The following EPS8 variants were observed in gnomAD, a reference collection of about 807,000 sequenced individuals.
The protein encoded by EPS8 is EGFR pathway substrate 8, signaling adaptor.
A neutral mutation model predicts 103.8 loss-of-function variants in EPS8; 42 were observed. The observed-to-expected ratio is 0.40, with a 90% CI of 0.32 to 0.52. The LOEUF (loss-of-function observed/expected upper bound fraction) is 0.52, where lower values mean the gene tolerates loss of function less well. EPS8 is among the 20% of genes least tolerant of loss of function. The pLI, the probability that EPS8 is intolerant of heterozygous loss-of-function variation, is 0.40. For synonymous variants in EPS8, 344 were observed against 344.6 expected, an observed-to-expected ratio of 1.00 and a Z score of 0.02; for missense variants, 969 against 1,005.1, an observed-to-expected ratio of 0.96 and a Z score of 0.49.
At position 15,749,629 on chromosome 12, in the gene EPS8, C is replaced by T. The variant is rs1946910512; in HGVS notation, c.-22+39532G>A. ...ATAAATACTTGATGATGACAATAAC[C>T]ATTATGATAGTGGTAGTGGTAGGAA... On this transcript the variant is annotated intron_variant, in intron 1 of 20. Transcript: ENST00000281172. This position sits in a 1 kb window ranked among gnomAD's most constrained non-coding sequence, Gnocchi z 4.0. 6.6e-6 allele frequency among the ~76,000 whole-genome samples: 1 copy of T among 152,112 alleles called. No homozygotes were observed. The highest frequency in any genetic ancestry group is 1.5e-5 in the Non-Finnish European group (1 of 68,026).
At chr12:15,766,322 T>C (rs1463756665) in intron 1 of EPS8, among the ~76,000 whole-genome samples, 1 of 149,482 alleles carries the variant, frequency 6.7e-6, no homozygotes, top group East Asian at 2.0e-4. Flanking sequence ...TACTAAAAAA[T>C]ACAAAAAAAT....
chr12:15,645,156 T>C (rs1945299353), intron 15 of EPS8, among the ~76,000 whole-genome samples: 1 of 152,072 alleles, frequency 6.6e-6, no homozygotes, highest in South Asian at 2.1e-4. Flanking sequence ...GCCTTCTCTG[T>C]GGTGAGGAAA....
At chr12:15,682,850 C>A (rs375196531) in intron 2 of EPS8, 43 bp downstream of exon 2, 6 of 1,053,028 alleles carry the variant, frequency 5.7e-6, no homozygotes, top group African/African-American at 1.6e-5. Flanking sequence ...ATCACCAAAT[C>A]AAATTCCCCC....
At chr12:15,718,033 A>T (rs1448051466) in intron 1 of EPS8, among the ~76,000 whole-genome samples, 1 of 152,098 alleles carries the variant, frequency 6.6e-6, no homozygotes, top group African/African-American at 2.4e-5. Flanking sequence ...CATGTCCTAT[A>T]ACTAAAGATT....
intron 1 of EPS8, among the ~76,000 whole-genome samples, chr12:15,765,050 T>C (rs1373787247): frequency 1.3e-5 from 2 of 152,210 alleles, no homozygotes; most frequent in Non-Finnish European, 2.9e-5. Flanking sequence ...TTAGAAGCCC[T>C]TGAAGTTATG....
In EPS8 at chr12:15,702,178, C is replaced by T. The variant is rs953624510; in HGVS notation, c.-21-19206G>A. On this transcript the variant is annotated intron_variant, in intron 1 of 20. Coordinates refer to ENST00000281172, the MANE Select transcript of EPS8 (RefSeq NM_004447.6). The surrounding 1 kb of genome is among the most constrained non-coding windows in gnomAD (Gnocchi z 5.1). Reference sequence around the variant, plus strand: ...AAGGGCAAAGTGCTTAGAGCAGCAGCCTAAGGAAACAGAATATATTCCCCC... The same window carrying T: ...AAGGGCAAAGTGCTTAGAGCAGCAGTCTAAGGAAACAGAATATATTCCCCC... Among the ~76,000 whole-genome samples the T allele has an allele frequency of 9.7e-4, 148 of 152,260 alleles. No homozygotes were observed. The highest frequency in any genetic ancestry group is 3.2e-3 in the African/African-American group (134 of 41,548).
At chr12:15,729,163 T>C (rs1483219790) in intron 1 of EPS8, among the ~76,000 whole-genome samples, 1 of 152,266 alleles carries the variant, frequency 6.6e-6, no homozygotes, top group East Asian at 1.9e-4. Flanking sequence ...CCCCCCGACC[T>C]GTCAAAATCT....
chr12:15,666,310 T>G, intron 7 of EPS8, 130 bp downstream of exon 7: 3 of 660,544 alleles, frequency 4.5e-6, no homozygotes, highest in Non-Finnish European at 7.5e-6. Flanking sequence ...ACAAATGTGT[T>G]GAGACTACAG....
intron 1 of EPS8, among the ~76,000 whole-genome samples, chr12:15,703,043 G>C (rs1246879606): frequency 1.3e-5 from 2 of 152,280 alleles, no homozygotes; most frequent in Non-Finnish European, 2.9e-5. Context: ...CAGCTACTCG[G>C]GAGGCTGAGC....
rs926955196 is a variant in EPS8 at position 15,701,497 on chromosome 12, C to T, written c.-21-18525G>A. 6.6e-6 allele frequency among the ~76,000 whole-genome samples: 1 copy of T among 152,188 alleles called. No individual in the cohort carries two copies. The highest frequency in any genetic ancestry group is 2.4e-5 in the African/African-American group (1 of 41,438). On this transcript the variant is annotated intron_variant, in intron 1 of 20. Transcript: ENST00000281172. This position sits in a 1 kb window ranked among gnomAD's most constrained non-coding sequence, Gnocchi z 5.1. The stretch of plus-strand genomic sequence containing the variant: ...ACACACTTAAGCATACACACACACA[C>T]AATTACACATATACAGATATGTATT...
At chr12:15,680,801 G>A (rs1351155346) in intron 3 of EPS8, among the ~76,000 whole-genome samples, 1 of 152,074 alleles carries the variant, frequency 6.6e-6, no homozygotes, top group African/African-American at 2.4e-5. Context: ...TCATTTTGCA[G>A]TGCATAAAGA....
intron 18 of EPS8, among the ~76,000 whole-genome samples, chr12:15,629,015 T>C (rs188930430): frequency 5.9e-5 from 9 of 152,338 alleles, no homozygotes; most frequent in East Asian, 1.9e-4. Flanking sequence ...AACTGTATTT[T>C]TGAGATATTT....
chr12:15,638,131 T>C (rs1031092771), intron 17 of EPS8, among the ~76,000 whole-genome samples: 1 of 152,052 alleles, frequency 6.6e-6, no homozygotes, highest in African/African-American at 2.4e-5. Flanking sequence ...GTATCTGGTG[T>C]TGTAGAGATA....
chr12:15,741,708 G>A (rs1314203247), intron 1 of EPS8, among the ~76,000 whole-genome samples: 1 of 152,068 alleles, frequency 6.6e-6, no homozygotes, highest in Non-Finnish European at 1.5e-5. Flanking sequence ...ATCACATCCA[G>A]ATCAGTAACA....
intron 3 of EPS8, among the ~76,000 whole-genome samples, chr12:15,673,721 A>G (rs1201926072): frequency 2.0e-5 from 3 of 152,182 alleles, no homozygotes; most frequent in African/African-American, 7.2e-5. Flanking sequence ...ATATCGTCAA[A>G]TGGTATATTA....
At position 15,713,366 on chromosome 12, in the gene EPS8, T is replaced by C. The variant is rs936645005; in HGVS notation, c.-21-30394A>G. The C allele has an allele frequency of 5.3e-5, 8 of 152,152 alleles. No individual in the cohort carries two copies. The highest frequency in any genetic ancestry group is 1.7e-4 in the African/African-American group (7 of 41,430). The allele number at this position is 152,152 out of a possible 1,614,324, so 9.4% of individuals were successfully genotyped here. A position where few individuals can be genotyped will look rare whatever the true frequency, so the allele number is the denominator to read the frequency against. On this transcript the variant is annotated intron_variant, in intron 1 of 20. Transcript: ENST00000281172. The surrounding 1 kb of genome is among the most constrained non-coding windows in gnomAD (Gnocchi z 4.8). Reference sequence around the variant, plus strand: ...AATAAGTGTAACAAAATTAAATACATAGCTTTACTTGCAATAAAGATAATT... The same window carrying C: ...AATAAGTGTAACAAAATTAAATACACAGCTTTACTTGCAATAAAGATAATT...
Position 15,778,061 on chromosome 12 carries a change from T to C in EPS8, c.-22+11100A>G, listed in dbSNP as rs1947224796. On this transcript the variant is annotated intron_variant, in intron 1 of 20. Coordinates refer to ENST00000281172, the MANE Select transcript of EPS8 (RefSeq NM_004447.6). This position sits in a 1 kb window ranked among gnomAD's most constrained non-coding sequence, Gnocchi z 4.5. ...TGCAAACATAGCAAACATACAAATA[T>C]ACAAAAAATATAGACCTTATTCCTA... 6.6e-6 allele frequency among the ~76,000 whole-genome samples: 1 copy of C among 152,176 alleles called. No homozygotes were observed. Among genetic ancestry groups the C allele is most frequent in the Admixed American group, 6.5e-5 (1 of 15,270 alleles).
chr12:15,680,516 A>G (rs1945986619), intron 3 of EPS8, among the ~76,000 whole-genome samples: 1 of 152,188 alleles, frequency 6.6e-6, no homozygotes, highest in Non-Finnish European at 1.5e-5. Flanking sequence ...GATCACTCAG[A>G]TAATAAATAA....
chr12:15,648,525 G>T (rs560063517), intron 14 of EPS8, among the ~76,000 whole-genome samples: 1 of 152,100 alleles, frequency 6.6e-6, no homozygotes, highest in Non-Finnish European at 1.5e-5. Flanking sequence ...AAATAAACAA[G>T]TTTCAGCCAT....
Sources: gnomAD v4.1 joint callset for allele counts (sites outside exome capture counted in the v4.1 genomes callset) on GRCh38, gnomAD v4.1.1 for gene constraint, Gnocchi (gnomAD v3.1) non-coding constraint, MANE v1.5 for transcripts, NCBI Gene and HGNC (gene_info 2026-07-23, HGNC 2026-07-21) for gene names.